Variants in SPPL2A observed in about 807,000 individuals in gnomAD.
The protein encoded by SPPL2A is signal peptide peptidase-like 2A.
Under a neutral mutation model 63.8 loss-of-function variants are expected in SPPL2A, and 51 were observed. The ratio of observed to expected loss-of-function variants is 0.80; its 90% confidence interval spans 0.64 to 1.01. The LOEUF (loss-of-function observed/expected upper bound fraction) is 1.01, where lower values mean the gene tolerates loss of function less well. Ranked by LOEUF, SPPL2A falls within the 50% of genes least tolerant of loss-of-function variation. The probability of loss-of-function intolerance (pLI) is 0.00; values close to 1 mark genes in which losing one functional copy is unlikely to be tolerated. For synonymous variants in SPPL2A, 188 were observed against 205.8 expected (o/e 0.91, Z 0.74); for missense variants, 553 against 622.7 (o/e 0.89, Z 1.19).
At chr15:50,732,758 A>G in intron 8 of SPPL2A, 74 bp from the exon 9 acceptor site, 1 of 833,740 alleles carries the variant, frequency 1.2e-6, no homozygotes. Context: ...TAGATCACTG[A>G]GGTAATATCA....
Position 50,722,108 on chromosome 15 carries a change from A to T in SPPL2A, c.1327+16T>A, listed in dbSNP as rs1421168623. 7.0e-7 allele frequency: 1 copy of T among 1,437,224 alleles called. No homozygotes were observed. The highest frequency in any genetic ancestry group is 1.1e-5 in the South Asian group (1 of 87,168). 89.0% of individuals were successfully genotyped at this position (1,437,224 alleles called of 1,614,324 possible). A position where few individuals can be genotyped will look rare whatever the true frequency, so the allele number is the denominator to read the frequency against. On this transcript the variant is annotated intron_variant, in intron 13 of 14. Coordinates refer to ENST00000261854, the MANE Select transcript of SPPL2A (RefSeq NM_032802.4). ...ATACAATTCAACATTTAATACAAAGAAAAACAAAAATTTACCAACTGTAGA... is the reference window on the plus strand; with the variant it reads ...ATACAATTCAACATTTAATACAAAGTAAAACAAAAATTTACCAACTGTAGA...
At chr15:50,764,279 T>C (rs1047077733) in intron 1 of SPPL2A, among the ~76,000 whole-genome samples, 11 of 152,226 alleles carry the variant, frequency 7.2e-5, no homozygotes, top group African/African-American at 2.7e-4. Context: ...ACATAAGTAT[T>C]ATCTGTCTGA....
At chr15:50,709,985 G>T (rs1227737358) in intron 14 of SPPL2A, among the ~76,000 whole-genome samples, 1 of 151,538 alleles carries the variant, frequency 6.6e-6, no homozygotes, top group Admixed American at 6.6e-5. Context: ...TTCACTACAT[G>T]AAACATAAGA....
intron 6 of SPPL2A, among the ~76,000 whole-genome samples, chr15:50,739,077 A>G (rs952388601): frequency 2.0e-5 from 3 of 151,714 alleles, no homozygotes; most frequent in Non-Finnish European, 4.4e-5. Flanking sequence ...ATACTGAGCT[A>G]TATCATTCAT....
Position 50,739,674 on chromosome 15 carries a change from T to C in SPPL2A, c.733+6A>G. ...ACAGTAGCAAACATAAAATATGACT[T>C]CTTACCCAACCATTTGTAGAAGAAA... On this transcript the variant is annotated splice_donor_region_variant and intron_variant, in intron 6 of 14. Transcript: ENST00000261854. 1 of 1,552,056 alleles carries C rather than the reference T, an allele frequency of 6.4e-7. No homozygotes were observed. The highest frequency in any genetic ancestry group is 1.2e-5 in the South Asian group (1 of 81,960).
intron 1 of SPPL2A, among the ~76,000 whole-genome samples, chr15:50,751,651 A>G (rs1449796845): frequency 4.6e-5 from 7 of 152,146 alleles, no homozygotes; most frequent in Non-Finnish European, 1.0e-4. Context: ...TGAGTAAGTA[A>G]TCTATGGCAC....
At chr15:50,750,824 A>G (rs2062899956) in intron 1 of SPPL2A, among the ~76,000 whole-genome samples, 1 of 152,240 alleles carries the variant, frequency 6.6e-6, no homozygotes, top group African/African-American at 2.4e-5. Flanking sequence ...TCCTCTGAGC[A>G]AATCTTTTTC....
intron 14 of SPPL2A, among the ~76,000 whole-genome samples, chr15:50,710,662 C>G (rs1234615917): frequency 1.3e-5 from 2 of 152,158 alleles, no homozygotes; most frequent in Admixed American, 1.3e-4. Context: ...TATAATTGAA[C>G]CAATCTCCAG....
chr15:50,714,295 G>A (rs185148345), intron 14 of SPPL2A, among the ~76,000 whole-genome samples: 13 of 152,312 alleles, frequency 8.5e-5, no homozygotes, highest in Admixed American at 5.9e-4. Context: ...ACTAGCAACA[G>A]TGTTCTTTCC....
chr15:50,727,534 C>T (rs1416087050), intron 10 of SPPL2A, among the ~76,000 whole-genome samples: 1 of 152,026 alleles, frequency 6.6e-6, no homozygotes, highest in Non-Finnish European at 1.5e-5. Flanking sequence ...AACTGAAGAC[C>T]ATCATTGACA....
intron 6 of SPPL2A, among the ~76,000 whole-genome samples, chr15:50,736,993 A>G (rs2062776545): frequency 6.6e-6 from 1 of 151,544 alleles, no homozygotes; most frequent in African/African-American, 2.4e-5. Flanking sequence ...CTCTCACTGC[A>G]ATCTTTACCT....
At chr15:50,729,053 A>T (rs1411478504) in intron 10 of SPPL2A, among the ~76,000 whole-genome samples, 2 of 152,024 alleles carry the variant, frequency 1.3e-5, no homozygotes, top group African/African-American at 2.4e-5. Flanking sequence ...ACCTCAAGTG[A>T]TCCACCCGCC....
chr15:50,721,578 G>A (rs910083055), intron 13 of SPPL2A, among the ~76,000 whole-genome samples: 1 of 151,196 alleles, frequency 6.6e-6, no homozygotes, highest in Non-Finnish European at 1.5e-5. Flanking sequence ...CCATAGGCAT[G>A]ACCACCACAC....
intron 12 of SPPL2A, 108 bp downstream of exon 12, chr15:50,725,113 C>A: frequency 1.3e-6 from 1 of 748,754 alleles, no homozygotes. Context: ...CTAGTGACAG[C>A]CAGAAATAGT....
At chr15:50,741,332 T>C (rs1313417492) in intron 5 of SPPL2A, among the ~76,000 whole-genome samples, 2 of 150,116 alleles carry the variant, frequency 1.3e-5, no homozygotes, top group Non-Finnish European at 3.0e-5. Context: ...TTTATTTTAA[T>C]ATATTTTTAA....
chr15:50,765,425 C>T (rs1316141921), intron 1 of SPPL2A, 43 bp downstream of exon 1: 6 of 1,469,024 alleles, frequency 4.1e-6, no homozygotes, highest in African/African-American at 2.9e-5. Context: ...GCCCCGGCCC[C>T]GCCCAGCCCC....
At chr15:50,716,532 G>A (rs1042999041) in intron 14 of SPPL2A, among the ~76,000 whole-genome samples, 1 of 152,112 alleles carries the variant, frequency 6.6e-6, no homozygotes, top group African/African-American at 2.4e-5. Flanking sequence ...TACTTTAAAA[G>A]CTGTATGAAA....
chr15:50,764,814 C>T (rs1018375691), intron 1 of SPPL2A, among the ~76,000 whole-genome samples: 3 of 152,082 alleles, frequency 2.0e-5, no homozygotes, highest in Admixed American at 1.3e-4. Context: ...CCACCCATCC[C>T]TTTAAATTAG....
At chr15:50,708,935 G>A (rs1196685692) in intron 14 of SPPL2A, among the ~76,000 whole-genome samples, 1 of 151,744 alleles carries the variant, frequency 6.6e-6, no homozygotes, top group Non-Finnish European at 1.5e-5. Flanking sequence ...TAATTGGGAG[G>A]TTGAGGCAGG....
Sources: gnomAD v4.1 joint callset for allele counts (sites outside exome capture counted in the v4.1 genomes callset) on GRCh38, gnomAD v4.1.1 for gene constraint, MANE v1.5 for transcripts, NCBI Gene and HGNC (gene_info 2026-07-23, HGNC 2026-07-21) for gene names.